The following PUM1 variants were observed in gnomAD, a reference collection of about 807,000 sequenced individuals.
The protein encoded by PUM1 is pumilio RNA binding family member 1.
Under a neutral mutation model 131.8 loss-of-function variants are expected in PUM1, and 13 were observed. That is an observed-to-expected ratio of 0.10 (90% confidence interval 0.06 to 0.16). PUM1 has a LOEUF of 0.16. Ranked by LOEUF, PUM1 falls within the 10% of genes least tolerant of loss-of-function variation. The pLI is 1.00. For synonymous variants in PUM1, 509 were observed against 556.5 expected (o/e 0.91, Z 1.20); for missense variants, 961 against 1,512.4 (o/e 0.64, Z 6.05).
At chr1:31,033,409 G>A (rs568464226) in intron 2 of PUM1, among the ~76,000 whole-genome samples, 63 of 130,858 alleles carry the variant, frequency 4.8e-4, no homozygotes, top group Admixed American at 4.3e-3. Flanking sequence ...TTTTTGAGAC[G>A]GAGTCTCGCT....
rs2124413380 is a variant in PUM1, at chr1:30,952,213, A to G, written c.2721+21T>C. 2 of 1,611,104 alleles carry G rather than the reference A, an allele frequency of 1.2e-6. 1 individual carries two copies. The highest frequency in any genetic ancestry group is 1.7e-6 in the Non-Finnish European group (2 of 1,177,332). On this transcript the variant is annotated intron_variant, in intron 16 of 21. Transcript: ENST00000426105. ...TCTGCAGATTCTCTTAAGTCAAAGG[A>G]TAGAAAGAACAAAGGCTTACTTCAA... is the stretch of plus-strand genomic sequence containing the variant.
intron 7 of PUM1, among the ~76,000 whole-genome samples, chr1:30,987,522 C>A (rs1641612516): frequency 1.3e-5 from 2 of 152,104 alleles, no homozygotes; most frequent in African/African-American, 4.8e-5. Context: ...TTCTAAACTG[C>A]ATTTAAGGAA....
rs577662825 is a variant in PUM1 at position 31,059,397 on chromosome 1, G to T, written c.170C>A (p.Ala57Glu). Residue 57 changes from alanine to glutamate, a missense_variant, in exon 2 of 22, where the codon GCA (alanine) becomes GAA (glutamate). Coordinates refer to ENST00000426105, the MANE Select transcript of PUM1 (RefSeq NM_001020658.2). ...GACAGGGCTGGAGTGAGTCCCAGCT[G>T]CAAGAGCCTGATTTGCAGCTGGTTG... ...QPQPAANQAL[A>E]AGTHSSPVPG... The T allele has an allele frequency of 1.2e-6, 2 of 1,614,150 alleles. No homozygotes were observed. The highest frequency in any genetic ancestry group is 2.2e-5 in the South Asian group (2 of 91,086).
chr1:30,966,335 C>A, intron 12 of PUM1, 57 bp from the exon 13 acceptor site: 1 of 1,492,460 alleles, frequency 6.7e-7, no homozygotes, highest in South Asian at 1.4e-5. Context: ...CATTTCCAAA[C>A]TACATTTTTA....
intron 7 of PUM1, chr1:30,982,109 G>A (rs1350986529): frequency 6.6e-6 from 1 of 152,114 alleles, no homozygotes; most frequent in Non-Finnish European, 1.5e-5. Flanking sequence ...AAATAAAACA[G>A]CAGAAACACA....
chr1:30,972,045 A>G (rs1256703899), intron 10 of PUM1, among the ~76,000 whole-genome samples: 7 of 151,704 alleles, frequency 4.6e-5, no homozygotes, highest in Non-Finnish European at 1.0e-4. Context: ...ACTGGAGGTC[A>G]GGAGTTCGAG....
Position 30,933,064 on chromosome 1 carries a change from T to G in PUM1, c.*147A>C. On this transcript the variant is annotated 3_prime_UTR_variant, in exon 22 of 22. Coordinates refer to ENST00000426105, the MANE Select transcript of PUM1 (RefSeq NM_001020658.2). ...TACAAAGGCTTTTCCACTCGTGGAT[T>G]TGATTCCTTTTTTGGAGGAGGGAGT... The G allele has an allele frequency of 1.0e-6, 1 of 993,280 alleles. No homozygotes were observed. Among genetic ancestry groups the G allele is most frequent in the South Asian group, 1.9e-5 (1 of 52,274 alleles). 61.5% of individuals were successfully genotyped at this position (993,280 alleles called of 1,614,324 possible).
intron 2 of PUM1, among the ~76,000 whole-genome samples, chr1:31,038,587 T>C (rs1021510093): frequency 6.6e-6 from 1 of 152,196 alleles, no homozygotes; most frequent in East Asian, 1.9e-4. Flanking sequence ...ATATTTGTAA[T>C]GTGAGAAACT....
chr1:30,935,334 GC>G (rs1262472161), intron 21 of PUM1, among the ~76,000 whole-genome samples: 5 of 152,142 alleles, frequency 3.3e-5, no homozygotes, highest in Non-Finnish European at 7.4e-5. Context: ...CCGTTAGAGA[GC>G]CTCCTCTGTA....
chr1:31,014,214 T>C (rs1642724747), intron 3 of PUM1, among the ~76,000 whole-genome samples: 1 of 145,826 alleles, frequency 6.9e-6, no homozygotes, highest in Non-Finnish European at 1.5e-5. Flanking sequence ...GGTGGGAGGA[T>C]CACCTGAGCC....
At chr1:30,955,484 CCAAAACAAAA>C (rs1256771293) in intron 14 of PUM1, among the ~76,000 whole-genome samples, 2 of 149,884 alleles carry the variant, frequency 1.3e-5, no homozygotes, top group East Asian at 2.0e-4. Context: ...AAAAACCAAA[CCAAAACAAAA>C]CAAAACAAAA....
chr1:30,973,604 C>CTAGTAAATAACTATTTAGTAAATA (rs1641018178), intron 10 of PUM1, among the ~76,000 whole-genome samples: 1 of 152,128 alleles, frequency 6.6e-6, no homozygotes, highest in Non-Finnish European at 1.5e-5. Flanking sequence ...TTTAAAAGAA[C>CTAGTAAATAACTATTTAGTAAATA]ACTAAATAAC....
chr1:31,010,189 TAA>T (rs1456143391), intron 3 of PUM1, among the ~76,000 whole-genome samples: 1 of 152,190 alleles, frequency 6.6e-6, no homozygotes, highest in Non-Finnish European at 1.5e-5. Flanking sequence ...GCAAAGCTCT[TAA>T]AAGTCTCTGA....
chr1:30,935,965 T>A (rs529179058), intron 21 of PUM1, among the ~76,000 whole-genome samples: 3 of 125,428 alleles, frequency 2.4e-5, no homozygotes, highest in South Asian at 5.9e-4. Context: ...ACCCACGCCG[T>A]GACTTGTCAA....
At chr1:31,037,239 G>A (rs1451661339) in intron 2 of PUM1, 1 of 152,598 alleles carries the variant, frequency 6.6e-6, no homozygotes, top group Non-Finnish European at 1.5e-5. Flanking sequence ...ATCAAAGATC[G>A]TAACACTTGG....
chr1:30,993,389 C>T (rs1467541707), intron 6 of PUM1, among the ~76,000 whole-genome samples: 2 of 147,158 alleles, frequency 1.4e-5, no homozygotes, highest in Non-Finnish European at 3.0e-5. Flanking sequence ...TATTGTAGGA[C>T]ACAAGGTTCT....
At chr1:30,938,231 G>A (rs1334811134) in intron 20 of PUM1, among the ~76,000 whole-genome samples, 2 of 152,020 alleles carry the variant, frequency 1.3e-5, no homozygotes, top group African/African-American at 4.8e-5. Context: ...GTGACCCAGA[G>A]TACAAAGTAA....
intron 3 of PUM1, among the ~76,000 whole-genome samples, chr1:31,014,661 C>T (rs1386283047): frequency 1.3e-5 from 2 of 151,632 alleles, no homozygotes; most frequent in African/African-American, 2.4e-5. Context: ...AGTGGCCAGG[C>T]GCCTATAATC....
At chr1:30,980,332 T>C (rs527822039) in intron 8 of PUM1, among the ~76,000 whole-genome samples, 169 bp from the exon 9 acceptor site, 1 of 152,178 alleles carries the variant, frequency 6.6e-6, no homozygotes, top group African/African-American at 2.4e-5. Context: ...ATAACTGCTA[T>C]ACTAAAGATT....
Sources: allele counts gnomAD v4.1 joint callset (sites outside exome capture counted in the v4.1 genomes callset), GRCh38; gene constraint gnomAD v4.1.1; transcripts MANE v1.5; gene names NCBI Gene and HGNC (gene_info 2026-07-23, HGNC 2026-07-21).